The following TMC1 variants were observed in gnomAD, a reference collection of about 807,000 sequenced individuals.
The protein encoded by TMC1 is transmembrane channel like 1, also known as transmembrane channel-like protein 1.
A neutral mutation model predicts 105.8 loss-of-function variants in TMC1; 84 were observed. That is an observed-to-expected ratio of 0.79 (90% CI 0.67 to 0.95). The LOEUF (loss-of-function observed/expected upper bound fraction) is 0.95. Among genes scored for constraint, TMC1 ranks in the 40% least tolerant of loss-of-function variants. The pLI is 0.00. For missense variants in TMC1, 817 were observed against 914.1 expected (o/e 0.89, Z 1.37); for synonymous variants, 315 against 311.5 (o/e 1.01, Z -0.12).
intron 1 of TMC1, among the ~76,000 whole-genome samples, chr9:72,550,027 C>T (rs567122691): frequency 2.0e-5 from 3 of 151,704 alleles, no homozygotes; most frequent in South Asian, 2.1e-4. Flanking sequence ...GGATTACAGG[C>T]GTGAGCCACT....
chr9:72,703,332 G>T (rs1020341322), intron 8 of TMC1, among the ~76,000 whole-genome samples: 1 of 151,776 alleles, frequency 6.6e-6, no homozygotes, highest in Non-Finnish European at 1.5e-5. Context: ...TTACTATGTC[G>T]CCCAGGCTGA....
chr9:72,694,415 C>G, intron 6 of TMC1, 128 bp from the exon 7 acceptor site: 1 of 764,344 alleles, frequency 1.3e-6, no homozygotes, highest in Non-Finnish European at 2.2e-6. Context: ...TGCATCCCAT[C>G]ACGATGTGGA....
intron 12 of TMC1, among the ~76,000 whole-genome samples, chr9:72,765,639 T>TA (rs71359521): frequency 2.6e-3 from 345 of 130,452 alleles, no homozygotes; most frequent in Middle Eastern, 4.2e-3. Flanking sequence ...CCTGTCATAC[T>TA]AAAAAAAAAA....
At position 72,700,502 on chromosome 9, in the gene TMC1, T is replaced by C; in HGVS notation, c.237-16T>C. ...AAGCTTAACTTTATTAAGGTGTTTC[T>C]TTTTTACTTTTAAAGAGAAGAAGAA... On this transcript the variant is annotated splice_polypyrimidine_tract_variant and intron_variant, in intron 7 of 23. Transcript: ENST00000297784. 6.4e-7 allele frequency: 1 copy of C among 1,574,392 alleles called. No homozygotes were observed. The highest frequency in any genetic ancestry group is 8.7e-7 in the Non-Finnish European group (1 of 1,154,484).
intron 1 of TMC1, among the ~76,000 whole-genome samples, chr9:72,550,199 G>A (rs1196955327): frequency 6.6e-6 from 1 of 152,030 alleles, no homozygotes; most frequent in African/African-American, 2.4e-5. Flanking sequence ...CAGGCGTGGT[G>A]GCTCCTGCCT....
rs375599798 is a variant in TMC1, at chr9:72,693,008, T to G, written c.65-1535T>G. On this transcript the variant is annotated intron_variant, in intron 6 of 23. Transcript: ENST00000297784. ...GATGGCGCACACCTGTATTCTCAAC[T>G]ACTCAGGAGGCTGAGACAAGAGAAT... is the stretch of plus-strand genomic sequence containing the variant. 3.3e-5 allele frequency among the ~76,000 whole-genome samples: 5 copies of G among 151,904 alleles called. 1 individual carries two copies. The highest frequency in any genetic ancestry group is 6.6e-5 in the Admixed American group (1 of 15,244).
In TMC1 at chr9:72,772,609, A is replaced by T. The variant is rs950879279; in HGVS notation, c.884+54A>T. The T allele has an allele frequency of 3.1e-6, 5 of 1,608,562 alleles. No homozygotes were observed. The South Asian group carries it at 5.5e-5, about 18-fold the overall frequency. On this transcript the variant is annotated intron_variant, in intron 13 of 23. Transcript: ENST00000297784. ...AATAATGATTTCTGGAATCAAATGG[A>T]GGGATTAATTTGGGGATTGGATATA... is the stretch of plus-strand genomic sequence containing the variant.
rs568939678 is a variant in TMC1 at position 72,801,858 on chromosome 9, A to C, written c.1567-3524A>C. Among the ~76,000 whole-genome samples the C allele has an allele frequency of 1.3e-5, 2 of 152,280 alleles. 1 individual carries two copies. The highest frequency in any genetic ancestry group is 4.1e-4 in the South Asian group (2 of 4,830). On this transcript the variant is annotated intron_variant, in intron 17 of 23. Coordinates refer to ENST00000297784, the MANE Select transcript of TMC1 (RefSeq NM_138691.3). ...TATGGTATATGAATAAACATTTAAA[A>C]TTTTTAATACAATGTTTGAATCTTC...
intron 20 of TMC1, among the ~76,000 whole-genome samples, chr9:72,826,434 T>C (rs1305626947): frequency 6.6e-6 from 1 of 152,168 alleles, no homozygotes; most frequent in African/African-American, 2.4e-5. Context: ...TGGAAAGAGA[T>C]ATTGGATTAT....
intron 1 of TMC1, among the ~76,000 whole-genome samples, chr9:72,529,802 A>G (rs1210150250): frequency 1.3e-5 from 2 of 152,188 alleles, no homozygotes; most frequent in South Asian, 4.1e-4. Context: ...ATTTAGAATC[A>G]AATTATGAGA....
chr9:72,542,524 G>T (rs1823695623), intron 1 of TMC1, among the ~76,000 whole-genome samples: 1 of 152,018 alleles, frequency 6.6e-6, no homozygotes, highest in Non-Finnish European at 1.5e-5. Context: ...TGAGCCTGAG[G>T]TGGGAGAATC....
At chr9:72,668,333 C>T (rs751368014) in intron 5 of TMC1, among the ~76,000 whole-genome samples, 2 of 152,200 alleles carry the variant, frequency 1.3e-5, no homozygotes, top group Non-Finnish European at 2.9e-5. Flanking sequence ...GTTTTGAACG[C>T]AGGTCTGTCT....
chr9:72,556,647 C>T (rs936982542), intron 1 of TMC1, among the ~76,000 whole-genome samples: 1 of 151,312 alleles, frequency 6.6e-6, no homozygotes, highest in African/African-American at 2.4e-5. Flanking sequence ...CGTGAAACCC[C>T]ATTTCTACTG....
intron 7 of TMC1, among the ~76,000 whole-genome samples, chr9:72,696,353 T>G (rs1335885460): frequency 6.6e-6 from 1 of 152,224 alleles, no homozygotes; most frequent in East Asian, 1.9e-4. Flanking sequence ...CCATAGGTTT[T>G]GCAAATTGTA....
intron 4 of TMC1, among the ~76,000 whole-genome samples, chr9:72,637,157 A>G (rs1450310821): frequency 6.6e-6 from 1 of 151,874 alleles, no homozygotes; most frequent in African/African-American, 2.4e-5. Flanking sequence ...GCTATTCACC[A>G]GTGTCAGCCA....
chr9:72,533,411 T>A (rs1403349190), intron 1 of TMC1, among the ~76,000 whole-genome samples: 1 of 152,180 alleles, frequency 6.6e-6, no homozygotes, highest in Non-Finnish European at 1.5e-5. Flanking sequence ...GTGCGAGTTG[T>A]TGCTTTAAGC....
At chr9:72,725,870 T>C (rs1346896632) in intron 8 of TMC1, among the ~76,000 whole-genome samples, 1 of 151,944 alleles carries the variant, frequency 6.6e-6, no homozygotes, top group Non-Finnish European at 1.5e-5. Context: ...TTTTGTATTT[T>C]TAGTAGAGAC....
chr9:72,650,603 C>A (rs10781105), intron 5 of TMC1, among the ~76,000 whole-genome samples: 89,922 of 151,414 alleles, frequency 0.59, 29,188 homozygotes, highest in African/African-American at 0.88. Flanking sequence ...ACCCAGGTAC[C>A]TATGTCCAGA....
intron 1 of TMC1, among the ~76,000 whole-genome samples, chr9:72,528,083 A>C (rs1823436426): frequency 6.6e-6 from 1 of 152,136 alleles, no homozygotes; most frequent in Admixed American, 6.5e-5. Flanking sequence ...TGGTATTAGA[A>C]ACTGAAGCCT....
Sources: allele counts gnomAD v4.1 joint callset (sites outside exome capture counted in the v4.1 genomes callset), GRCh38; gene constraint gnomAD v4.1.1; transcripts MANE v1.5; gene names NCBI Gene and HGNC (gene_info 2026-07-23, HGNC 2026-07-21).